METTL6: variants seen among roughly 807,000 people sequenced by gnomAD.
The protein encoded by METTL6 is methyltransferase 6, tRNA N3-cytidine.
In METTL6, 22 loss-of-function variants were observed where a neutral mutation model predicts 26.4. The observed-to-expected ratio is 0.83, with a 90% CI of 0.59 to 1.19. The LOEUF (loss-of-function observed/expected upper bound fraction) is 1.19, where lower values mean the gene tolerates loss of function less well. METTL6 is among the 50% of genes most tolerant of loss of function. The pLI, the probability that METTL6 is intolerant of heterozygous loss-of-function variation, is 0.00. For synonymous variants in METTL6, 109 were observed against 116.2 expected, an observed-to-expected ratio of 0.94 and a Z score of 0.40; for missense variants, 304 against 324.8, an observed-to-expected ratio of 0.94 and a Z score of 0.49.
At chr3:15,397,188 C>T (rs1468692528) in intron 6 of METTL6, among the ~76,000 whole-genome samples, 1 of 152,138 alleles carries the variant, frequency 6.6e-6, no homozygotes, top group Non-Finnish European at 1.5e-5. Context: ...CAATGGCGGG[C>T]GCCCCTCCCC....
Position 15,411,185 on chromosome 3 carries a change from G to A in METTL6, c.*71C>T, listed in dbSNP as rs909694163. 19 of 1,509,370 alleles carry A rather than the reference G, an allele frequency of 1.3e-5. No individual in the cohort carries two copies. The highest frequency in any genetic ancestry group is 2.0e-4 in the Middle Eastern group (1 of 5,096). The allele number at this position is 1,509,370 out of a possible 1,614,324, so 93.5% of individuals were successfully genotyped here. A position where few individuals can be genotyped will look rare whatever the true frequency, so the allele number is the denominator to read the frequency against. Reference sequence around the variant, plus strand: ...GCTGGGATTACAGGCATGAGCCACCGCACCCAGACGAAAGAGTGATTTTAA... The same window carrying A: ...GCTGGGATTACAGGCATGAGCCACCACACCCAGACGAAAGAGTGATTTTAA... On this transcript the variant is annotated 3_prime_UTR_variant, in exon 6 of 6. Transcript: ENST00000383790.
chr3:15,404,988 A>G (rs2124941894), downstream of METTL6, among the ~76,000 whole-genome samples: 1 of 152,354 alleles, frequency 6.6e-6, no homozygotes, highest in South Asian at 2.1e-4. Flanking sequence ...TCAGTTGACA[A>G]CTGTGAAATA....
rs921401333 is a variant in METTL6 at position 15,426,574 on chromosome 3, C to T, written c.-63G>A. 7 of 1,426,390 alleles carry T rather than the reference C, an allele frequency of 4.9e-6. No homozygotes were observed. In the African/African-American group the frequency reaches 9.9e-5, roughly 20 times the overall value. 88.4% of individuals were successfully genotyped at this position (1,426,390 alleles called of 1,614,324 possible). Reference sequence around the variant, plus strand: ...TTCTCCATCACCAAATAATATGAATCCACGCTAATGGATCAGATACATTTC... The same window carrying T: ...TTCTCCATCACCAAATAATATGAATTCACGCTAATGGATCAGATACATTTC... On this transcript the variant is annotated 5_prime_UTR_variant, in exon 2 of 6. Transcript: ENST00000383790.
intron 6 of METTL6, among the ~76,000 whole-genome samples, chr3:15,390,082 A>T (rs1699303471): frequency 6.6e-6 from 1 of 152,184 alleles, no homozygotes; most frequent in South Asian, 2.1e-4. Context: ...TAGTGAAAAA[A>T]GAAGAGAACA....
intron 6 of METTL6, among the ~76,000 whole-genome samples, chr3:15,403,842 T>C (rs1250355892): frequency 2.0e-5 from 3 of 152,202 alleles, no homozygotes; most frequent in Non-Finnish European, 4.4e-5. Context: ...ATTTCTTGAT[T>C]ATATGCTAAA....
exon 7 of METTL6, chr3:15,383,056 T>C (rs1699113023): frequency 6.6e-6 from 1 of 152,204 alleles, no homozygotes; most frequent in African/African-American, 2.4e-5. Context: ...TGAGATCTAC[T>C]GTACATGGTG....
chr3:15,427,634 T>C (rs2061759421), upstream of METTL6: 3 of 780,132 alleles, frequency 3.8e-6, no homozygotes, highest in African/African-American at 1.8e-5. Context: ...AACTTGCTTC[T>C]GGACCCGGGT....
intron 6 of METTL6, among the ~76,000 whole-genome samples, chr3:15,391,082 G>C (rs1481143288): frequency 3.9e-5 from 6 of 152,204 alleles, no homozygotes; most frequent in African/African-American, 1.2e-4. Context: ...TCTGAAGTTA[G>C]CCACATCTAC....
At chr3:15,413,644 C>T in intron 5 of METTL6, 12 of 1,178,758 alleles carry the variant, frequency 1.0e-5, no homozygotes, top group Non-Finnish European at 1.2e-5. Context: ...TGACTTTGTG[C>T]CATGGGAAAG....
chr3:15,388,642 G>C (rs1432127098), intron 6 of METTL6, among the ~76,000 whole-genome samples: 1 of 152,162 alleles, frequency 6.6e-6, no homozygotes, highest in African/African-American at 2.4e-5. Context: ...CTGATCTTAG[G>C]AGCAGTTTAA....
At chr3:15,417,959 G>A (rs1309112284) in intron 3 of METTL6, among the ~76,000 whole-genome samples, 1 of 152,164 alleles carries the variant, frequency 6.6e-6, no homozygotes, top group African/African-American at 2.4e-5. Flanking sequence ...GGTACAAAGG[G>A]AAGACCCAAA....
chr3:15,417,851 A>G (rs1559494560), intron 3 of METTL6, among the ~76,000 whole-genome samples: 1 of 152,196 alleles, frequency 6.6e-6, no homozygotes, highest in African/African-American at 2.4e-5. Context: ...GCAGAACATT[A>G]GAGAACGACC....
intron 6 of METTL6, chr3:15,384,217 A>T (rs755087072): frequency 1.1e-5 from 4 of 348,316 alleles, no homozygotes; most frequent in South Asian, 8.4e-5. Context: ...GAGATAAAAG[A>T]AAACAAAATA....
At chr3:15,412,529 G>A (rs115349420) in intron 5 of METTL6, among the ~76,000 whole-genome samples, 3,359 of 152,020 alleles carry the variant, frequency 0.022, 110 homozygotes, top group African/African-American at 0.075. Flanking sequence ...CTGTCGCCCA[G>A]GCTGGAGGGC....
intron 4 of METTL6, chr3:15,415,417 A>G (rs1413532739): frequency 5.1e-6 from 7 of 1,381,732 alleles, no homozygotes; most frequent in Admixed American, 2.0e-5. Context: ...TTGGCATCCC[A>G]AAGTGTTGGG....
At chr3:15,417,100 G>C (rs763797341) in intron 3 of METTL6, among the ~76,000 whole-genome samples, 3 of 152,142 alleles carry the variant, frequency 2.0e-5, no homozygotes, top group Non-Finnish European at 4.4e-5. Context: ...TGAGTTCAAA[G>C]CTGCAGTGAG....
chr3:15,410,499 C>A lies in METTL6; in HGVS notation c.*757G>T, dbSNP rs1575414488. ...CTAATTTTTGTATTTTCTGTAGAGACAGAGTTTCACCATGTTGCCCACACT... is the reference window on the plus strand; with the variant it reads ...CTAATTTTTGTATTTTCTGTAGAGAAAGAGTTTCACCATGTTGCCCACACT... On this transcript the variant is annotated 3_prime_UTR_variant, in exon 6 of 6. Coordinates refer to ENST00000383790, the MANE Select transcript of METTL6 (RefSeq NM_152396.4). Among the ~76,000 whole-genome samples the A allele has an allele frequency of 6.6e-6, 1 of 152,088 alleles. No homozygotes were observed. Among genetic ancestry groups the A allele is most frequent in the South Asian group, 2.1e-4 (1 of 4,830 alleles).
exon 7 of METTL6, chr3:15,384,010 A>T: frequency 3.1e-6 from 1 of 325,622 alleles, no homozygotes; most frequent in Non-Finnish European, 5.8e-6. Flanking sequence ...CCCCAGAATA[A>T]GACTGTAAGT....
chr3:15,398,338 C>T (rs1419365535), intron 6 of METTL6, among the ~76,000 whole-genome samples: 2 of 152,192 alleles, frequency 1.3e-5, no homozygotes, highest in African/African-American at 4.8e-5. Context: ...GGATTACAGG[C>T]GCACACCACC....
Sources: allele counts gnomAD v4.1 joint callset (sites outside exome capture counted in the v4.1 genomes callset), GRCh38; gene constraint gnomAD v4.1.1; transcripts MANE v1.5; gene names NCBI Gene and HGNC (gene_info 2026-07-23, HGNC 2026-07-21).